Variants in MAN2A1 observed in about 807,000 individuals in gnomAD.
The protein encoded by MAN2A1 is alpha-mannosidase 2.
Under a neutral mutation model 142.6 loss-of-function variants are expected in MAN2A1, and 76 were observed. The observed-to-expected ratio is 0.53, with a 90% confidence interval of 0.44 to 0.65. The LOEUF is 0.65. MAN2A1 is among the 30% of genes least tolerant of loss of function. The pLI is 0.00. For synonymous variants in MAN2A1, 559 were observed against 473.2 expected (o/e 1.18, Z -2.35); for missense variants, 1,311 against 1,365.1 (o/e 0.96, Z 0.62).
chr5:109,779,689 T>TTTATTTAAC (rs1753398516), intron 8 of MAN2A1, among the ~76,000 whole-genome samples: 1 of 152,176 alleles, frequency 6.6e-6, no homozygotes, highest in African/African-American at 2.4e-5. Flanking sequence ...CTTAAAGTAC[T>TTTATTTAAC]TTATTTAACT....
intron 12 of MAN2A1, among the ~76,000 whole-genome samples, chr5:109,815,949 A>C (rs779785786): frequency 6.6e-6 from 1 of 152,220 alleles, no homozygotes; most frequent in Non-Finnish European, 1.5e-5. Flanking sequence ...TTATTAGTCC[A>C]ACATCCTCTT....
intron 16 of MAN2A1, among the ~76,000 whole-genome samples, chr5:109,839,143 T>A (rs1755132106): frequency 6.6e-6 from 1 of 152,220 alleles, no homozygotes; most frequent in South Asian, 2.1e-4. Flanking sequence ...TCAGCTAAGC[T>A]CCCTAGTATT....
At chr5:109,743,741 G>A (rs1205798742) in intron 4 of MAN2A1, among the ~76,000 whole-genome samples, 1 of 152,102 alleles carries the variant, frequency 6.6e-6, no homozygotes, top group Non-Finnish European at 1.5e-5. Flanking sequence ...TTCCAGCTGT[G>A]CCACTTCTAA....
Position 109,866,959 on chromosome 5 carries a change from T to G in MAN2A1, c.3396T>G (p.Ser1132Arg). The G allele has an allele frequency of 6.2e-7, 1 of 1,612,206 alleles. No individual in the cohort carries two copies. The highest frequency in any genetic ancestry group is 8.5e-7 in the Non-Finnish European group (1 of 1,179,042). Residue 1132 changes from serine (S) to arginine (R), a missense_variant, in exon 22 of 22, where the codon AGT becomes AGG. Physicochemically the swap from Ser to Arg is moderately radical, Grantham distance 110. This residue lies in a region of MAN2A1 where 890 missense variants were observed against 920.5 expected (regional missense o/e 0.97). Transcript: ENST00000261483. ...AGAATATAAGTGAGATCAACTTGAG[T>G]CCAATGGAAATCAGCACATTCCGAA... ...GTQNISEINL[S>R]PMEISTFRIQ...
At chr5:109,852,634 G>T (rs920242660) in intron 19 of MAN2A1, among the ~76,000 whole-genome samples, 1 of 152,170 alleles carries the variant, frequency 6.6e-6, no homozygotes, top group East Asian at 1.9e-4. Flanking sequence ...CAGACAGGCT[G>T]CAGAGAGAAA....
intron 16 of MAN2A1, among the ~76,000 whole-genome samples, chr5:109,837,796 C>T (rs543111940): frequency 6.0e-4 from 92 of 152,300 alleles, no homozygotes; most frequent in African/African-American, 2.0e-3. Context: ...TATATTCTAA[C>T]ATGCATGTAA....
intron 20 of MAN2A1, among the ~76,000 whole-genome samples, chr5:109,861,689 T>G (rs755616758): frequency 3.9e-5 from 6 of 152,186 alleles, no homozygotes; most frequent in Non-Finnish European, 8.8e-5. Context: ...CAGCCAGTAA[T>G]GTGGTCCTGG....
At chr5:109,808,341 T>G (rs1301583488) in intron 12 of MAN2A1, among the ~76,000 whole-genome samples, 1 of 152,200 alleles carries the variant, frequency 6.6e-6, no homozygotes, top group African/African-American at 2.4e-5. Context: ...TTCTAGCATA[T>G]TCACTGATAA....
chr5:109,832,256 AG>A (rs1192657742), intron 16 of MAN2A1, among the ~76,000 whole-genome samples: 1 of 134,020 alleles, frequency 7.5e-6, no homozygotes, highest in Non-Finnish European at 1.5e-5. Flanking sequence ...ACAATAGTGG[AG>A]GGAAGGTCAG....
chr5:109,833,098 T>C (rs1239396908), intron 16 of MAN2A1, among the ~76,000 whole-genome samples: 2 of 143,218 alleles, frequency 1.4e-5, no homozygotes, highest in Non-Finnish European at 3.0e-5. Context: ...GCGCTCCCCA[T>C]ATCTCAGACG....
rs76095113 is a variant in MAN2A1, at chr5:109,821,604, C to T, written c.2451+1262C>T. 6.6e-5 allele frequency among the ~76,000 whole-genome samples: 10 copies of T among 152,226 alleles called. No homozygotes were observed. In the East Asian group the frequency reaches 1.9e-3, roughly 29 times the overall value. ...CACTGAGAATTGGCCATATTACAAG[C>T]TTTGCCTATAATAGTAAGTTAGTAG... On this transcript the variant is annotated intron_variant, in intron 15 of 21. Coordinates refer to ENST00000261483, the MANE Select transcript of MAN2A1 (RefSeq NM_002372.4).
chr5:109,798,444 A>G (rs1381834286), intron 12 of MAN2A1, among the ~76,000 whole-genome samples: 1 of 152,080 alleles, frequency 6.6e-6, no homozygotes, highest in Non-Finnish European at 1.5e-5. Flanking sequence ...GCTCCATTTC[A>G]CCGTGTTTAA....
At chr5:109,749,188 G>GT (rs1331345042) in intron 4 of MAN2A1, among the ~76,000 whole-genome samples, 2 of 152,090 alleles carry the variant, frequency 1.3e-5, no homozygotes, top group Admixed American at 1.3e-4. Flanking sequence ...TAAGTTGTCT[G>GT]TAACAATTTC....
intron 19 of MAN2A1, among the ~76,000 whole-genome samples, chr5:109,852,523 G>A (rs1342919092): frequency 2.0e-5 from 3 of 152,140 alleles, no homozygotes; most frequent in Non-Finnish European, 4.4e-5. Context: ...AAGAAGTCTG[G>A]CAAGAAGTTC....
intron 3 of MAN2A1, among the ~76,000 whole-genome samples, chr5:109,724,648 G>A (rs1384086178): frequency 2.0e-5 from 3 of 151,758 alleles, no homozygotes; most frequent in East Asian, 1.9e-4. Flanking sequence ...TAACTTTTGA[G>A]TGGAATTAAT....
At chr5:109,723,944 C>A (rs1246466131) in intron 3 of MAN2A1, among the ~76,000 whole-genome samples, 1 of 152,030 alleles carries the variant, frequency 6.6e-6, no homozygotes, top group East Asian at 1.9e-4. Flanking sequence ...AATCTGTTTT[C>A]ATTTAGCTTT....
rs140687189 is a variant in MAN2A1, at chr5:109,718,614, A to G, written c.535+2350A>G. Among the ~76,000 whole-genome samples the G allele has an allele frequency of 3.5e-3, 526 of 152,286 alleles. 3 individuals are homozygous for G. Among genetic ancestry groups the G allele is most frequent in the African/African-American group, 0.012 (506 of 41,552 alleles). On this transcript the variant is annotated intron_variant, in intron 3 of 21. Coordinates refer to ENST00000261483, the MANE Select transcript of MAN2A1 (RefSeq NM_002372.4). ...AGCTGAACACTTGGCATATAGAATA[A>G]TTGCCAAATAAATAAGACCTCTTTG...
chr5:109,727,417 T>A (rs1751776207), intron 3 of MAN2A1, among the ~76,000 whole-genome samples: 1 of 152,208 alleles, frequency 6.6e-6, no homozygotes, highest in South Asian at 2.1e-4. Context: ...AGGGCGTATC[T>A]TCATGACCTC....
chr5:109,834,411 TTG>T (rs1755007802), intron 16 of MAN2A1, among the ~76,000 whole-genome samples: 2 of 148,026 alleles, frequency 1.4e-5, no homozygotes, highest in South Asian at 4.4e-4. Flanking sequence ...AAAAATTCTG[TTG>T]TTTCATAACA....
Sources: gnomAD v4.1 joint callset for allele counts (sites outside exome capture counted in the v4.1 genomes callset) on GRCh38, gnomAD v4.1.1 for gene constraint, gnomAD v4.1.1 regional missense constraint, MANE v1.5 for transcripts, NCBI Gene and HGNC (gene_info 2026-07-23, HGNC 2026-07-21) for gene names.